Variants in KLC4 observed in about 807,000 individuals in gnomAD.
KLC4 encodes the protein kinesin light chain 4.
In KLC4, 49 loss-of-function variants were observed where a neutral mutation model predicts 77.2. The ratio of observed to expected loss-of-function variants is 0.63; its 90% CI spans 0.50 to 0.80. The LOEUF is 0.80. Ranked by LOEUF, KLC4 falls within the 30% of genes least tolerant of loss-of-function variation. The probability of loss-of-function intolerance (pLI) is 0.00; values close to 1 mark genes in which losing one functional copy is unlikely to be tolerated. For synonymous variants in KLC4, 274 were observed against 314.5 expected, an observed-to-expected ratio of 0.87 and a Z score of 1.36; for missense variants, 669 against 793.5, an observed-to-expected ratio of 0.84 and a Z score of 1.89.
In KLC4 at chr6:43,071,294, A is replaced by G. The variant is rs1471311140; in HGVS notation, c.1175A>G (p.Gln392Arg). The change falls in exon 9 of 16, where the codon CAG (glutamine) becomes CGG (arginine). Residue 392 changes from glutamine (Q) to arginine (R), a missense_variant. Gln to Arg is a conservative substitution (Grantham distance 43). Transcript: ENST00000347162. ...CTCCAGGCTTCCTGTTACCTGAAACAGGGCAAATATGCTGAGGCTGAGACA... is the reference window on the plus strand; with the variant it reads ...CTCCAGGCTTCCTGTTACCTGAAACGGGGCAAATATGCTGAGGCTGAGACA... ...KNNLASCYLK[Q>R]GKYAEAETLY... 1 of 1,613,530 alleles carries G rather than the reference A, an allele frequency of 6.2e-7. No individual in the cohort carries two copies. Among genetic ancestry groups the G allele is most frequent in the African/African-American group, 1.3e-5 (1 of 74,830 alleles).
chr6:43,071,142 G>A lies in KLC4; in HGVS notation c.1156-133G>A. The stretch of plus-strand genomic sequence containing the variant: ...GAAGGAGGTGTGAGAAAGATCTCTG[G>A]GGAAAGTGAGAGAGACACTGAGAAG... On this transcript the variant is annotated intron_variant, in intron 8 of 15. Coordinates refer to ENST00000347162, the MANE Select transcript of KLC4 (RefSeq NM_201521.3). The A allele has an allele frequency of 7.6e-6, 5 of 653,712 alleles. 1 individual carries two copies. The South Asian group carries it at 9.9e-5, about 13-fold the overall frequency. 40.5% of individuals were successfully genotyped at this position (653,712 alleles called of 1,614,324 possible).
intron 6 of KLC4, among the ~76,000 whole-genome samples, chr6:43,067,630 T>TA (rs578144443): frequency 8.2e-5 from 12 of 145,830 alleles, no homozygotes; most frequent in Admixed American, 2.1e-4. Context: ...CCATCTCTAC[T>TA]AAAAAAAATA....
intron 11 of KLC4, 43 bp downstream of exon 11, chr6:43,071,965 C>A: frequency 6.4e-7 from 1 of 1,564,896 alleles, no homozygotes; most frequent in Non-Finnish European, 8.7e-7. Context: ...CGATGCCCTC[C>A]ATCCAGTCCC....
Position 43,074,714 on chromosome 6 carries a change from C to G in KLC4, c.*42C>G, listed in dbSNP as rs766921701. On this transcript the variant is annotated 3_prime_UTR_variant, in exon 16 of 16. Coordinates refer to ENST00000347162, the MANE Select transcript of KLC4 (RefSeq NM_201521.3). Reference sequence around the variant, plus strand: ...CAGGTCTGCTGGGTCCCCCCACCCCCACAGCCCTCACAGCATTCCCCATTG... The same window carrying G: ...CAGGTCTGCTGGGTCCCCCCACCCCGACAGCCCTCACAGCATTCCCCATTG... The G allele has an allele frequency of 4.7e-6, 7 of 1,494,998 alleles. No homozygotes were observed. The highest frequency in any genetic ancestry group is 2.3e-5 in the East Asian group (1 of 44,386). The allele number at this position is 1,494,998 out of a possible 1,614,324, so 92.6% of individuals were successfully genotyped here. A position where few individuals can be genotyped will look rare whatever the true frequency, so the allele number is the denominator to read the frequency against.
chr6:43,062,548 T>G, intron 2 of KLC4: 1 of 250,998 alleles, frequency 4.0e-6, no homozygotes, highest in Non-Finnish European at 7.9e-6. Flanking sequence ...CTGGCCCTGA[T>G]TTTACTTTGA....
In KLC4 at chr6:43,072,273, G is replaced by GA. The variant is rs1765773028; in HGVS notation, c.1488+20dup. ...GGAGACAGGTCAGAAGCCCAGAGGG[G>GA]AAGGAGGTCCTAGAGGGAAGGGCCC... is the stretch of plus-strand genomic sequence containing the variant. On this transcript the variant is annotated intron_variant, in intron 12 of 15. Transcript: ENST00000347162. 1 of 1,591,592 alleles carries GA rather than the reference G, an allele frequency of 6.3e-7. No homozygotes were observed. Among genetic ancestry groups the GA allele is most frequent in the African/African-American group, 1.3e-5 (1 of 74,446 alleles).
Position 43,072,626 on chromosome 6 carries a change from G to A in KLC4, c.1489-198G>A, listed in dbSNP as rs943405066. 10 of 598,616 alleles carry A rather than the reference G, an allele frequency of 1.7e-5. No homozygotes were observed. In the East Asian group the frequency reaches 2.8e-4, roughly 17 times the overall value. 37.1% of individuals were successfully genotyped at this position (598,616 alleles called of 1,614,324 possible). A position where few individuals can be genotyped will look rare whatever the true frequency, so the allele number is the denominator to read the frequency against. On this transcript the variant is annotated intron_variant, in intron 12 of 15. Coordinates refer to ENST00000347162, the MANE Select transcript of KLC4 (RefSeq NM_201521.3). ...GTGAAATCAATTCAGTATGGGCCATGGGGATAAAAATATATACAGATCTAT... is the reference window on the plus strand; with the variant it reads ...GTGAAATCAATTCAGTATGGGCCATAGGGATAAAAATATATACAGATCTAT...
At chr6:43,062,187 A>G (rs2150350745) in intron 2 of KLC4, among the ~76,000 whole-genome samples, 1 of 152,304 alleles carries the variant, frequency 6.6e-6, no homozygotes, top group East Asian at 1.9e-4. Context: ...CTGAGGGGTA[A>G]TGGGGTTGGA....
At chr6:43,073,659 G>C in intron 14 of KLC4, 1 of 370,308 alleles carries the variant, frequency 2.7e-6, no homozygotes, top group Non-Finnish European at 4.9e-6. Flanking sequence ...AAAAAAAAAA[G>C]AAAAAAAAAA....
At chr6:43,061,680 C>T (rs760603650) in intron 2 of KLC4, 87 bp downstream of exon 2, 5 of 1,341,456 alleles carry the variant, frequency 3.7e-6, no homozygotes, top group Non-Finnish European at 5.1e-6. Flanking sequence ...TTGGGATCAC[C>T]TCACTCTAGA....
intron 2 of KLC4, 68 bp from the exon 3 acceptor site, chr6:43,062,849 G>T (rs752185199): frequency 3.0e-6 from 4 of 1,354,366 alleles, no homozygotes; most frequent in Admixed American, 1.8e-5. Flanking sequence ...GTCCCAGTAG[G>T]CTCCCCTTCC....
At chr6:43,072,598 G>A (rs972344848) in intron 12 of KLC4, 22 of 577,674 alleles carry the variant, frequency 3.8e-5, no homozygotes, top group Non-Finnish European at 6.1e-5. Context: ...TCAATAGTAG[G>A]TTGTGAAATC....
rs760931254 is a variant in KLC4, at chr6:43,066,348, A to G, written c.614A>G (p.Tyr205Cys). ...QGATAAQQGG[Y>C]EIPARLRTLH... ...GCTACAGCAGCTCAGCAGGGTGGATATGAGATCCCAGCAAGGTTGCGGACG... is the reference window on the plus strand; with the variant it reads ...GCTACAGCAGCTCAGCAGGGTGGATGTGAGATCCCAGCAAGGTTGCGGACG... Residue 205 changes from tyrosine (Y) to cysteine (C), a missense_variant, in exon 5 of 16, where the codon TAT (tyrosine) becomes TGT (cysteine). Physicochemically the swap from Tyr to Cys is radical, Grantham distance 194. Transcript: ENST00000347162. The G allele has an allele frequency of 1.2e-6, 2 of 1,614,160 alleles. No homozygotes were observed. Among genetic ancestry groups the G allele is most frequent in the East Asian group, 2.2e-5 (1 of 44,874 alleles).
chr6:43,066,587 T>C, intron 5 of KLC4, 62 bp downstream of exon 5: 1 of 1,463,876 alleles, frequency 6.8e-7, no homozygotes. Flanking sequence ...GGTCCTCCTT[T>C]GGCTTTCATT....
chr6:43,068,882 C>T (rs770561645), intron 6 of KLC4, among the ~76,000 whole-genome samples: 1 of 151,186 alleles, frequency 6.6e-6, no homozygotes, highest in Admixed American at 6.6e-5. Context: ...CCGAGGTGGT[C>T]GGATCACCTG....
intron 8 of KLC4, among the ~76,000 whole-genome samples, 175 bp from the exon 9 acceptor site, chr6:43,071,100 T>G (rs1765698840): frequency 6.6e-6 from 1 of 151,270 alleles, no homozygotes; most frequent in South Asian, 2.1e-4. Context: ...GGGAATACCC[T>G]TGACCCTACA....
intron 2 of KLC4, 191 bp from the exon 3 acceptor site, chr6:43,062,726 A>G: frequency 3.3e-6 from 2 of 597,886 alleles, no homozygotes; most frequent in South Asian, 4.0e-5. Context: ...GGCTTGGTCC[A>G]GGGTGACAGC....
intron 1 of KLC4, among the ~76,000 whole-genome samples, chr6:43,060,759 T>C (rs1259423044): frequency 6.6e-6 from 1 of 152,254 alleles, no homozygotes; most frequent in Non-Finnish European, 1.5e-5. Context: ...CTGCAGGTGA[T>C]GCAGCCTGAA....
In KLC4 at chr6:43,070,670, C is replaced by T. The variant is rs1269586169; in HGVS notation, c.982-22C>T. On this transcript the variant is annotated intron_variant, in intron 7 of 15. Transcript: ENST00000347162. ...CACACATGTTATCATAGCCATTTATCCACTCCTTTGTTCCCTTTCAGGTCC... is the reference window on the plus strand; with the variant it reads ...CACACATGTTATCATAGCCATTTATTCACTCCTTTGTTCCCTTTCAGGTCC... The T allele has an allele frequency of 1.9e-6, 3 of 1,600,834 alleles. No individual in the cohort carries two copies. The Admixed American group carries it at 5.0e-5, about 27-fold the overall frequency.
Sources: gnomAD v4.1 joint callset for allele counts (sites outside exome capture counted in the v4.1 genomes callset) on GRCh38, gnomAD v4.1.1 for gene constraint, MANE v1.5 for transcripts, NCBI Gene and HGNC (gene_info 2026-07-23, HGNC 2026-07-21) for gene names.